The following VEGFD variants were observed in gnomAD, a reference collection of about 807,000 sequenced individuals.
VEGFD encodes vascular endothelial growth factor D.
VEGFD carries 26 observed loss-of-function variants against 28.0 expected under a neutral mutation model. The ratio of observed to expected loss-of-function variants is 0.93; its 90% confidence interval spans 0.68 to 1.29. The LOEUF (loss-of-function observed/expected upper bound fraction) is 1.29, where lower values mean the gene tolerates loss of function less well. Among genes scored for constraint, VEGFD ranks in the 50% most tolerant of loss-of-function variants. VEGFD has a pLI of 0.00. For missense variants in VEGFD, 294 were observed against 273.4 expected (o/e 1.08, Z -0.53); for synonymous variants, 93 against 95.5 (o/e 0.97, Z 0.15).
At chrX:15,374,811 T>G (rs913832579) in intron 1 of VEGFD, among the ~76,000 whole-genome samples, 1 of 108,790 alleles carries the variant, frequency 9.2e-6, no homozygotes, top group Admixed American at 9.9e-5. Flanking sequence ...GCTATTTGAC[T>G]GAGGATATGG....
intron 2 of VEGFD, among the ~76,000 whole-genome samples, chrX:15,359,782 G>A (rs1040736302): frequency 6.3e-5 from 7 of 111,667 alleles, no homozygotes; most frequent in African/African-American, 2.3e-4. Flanking sequence ...ATTGAGTCCT[G>A]CAAACAACAG....
chrX:15,362,321 C>A (rs1180449564), intron 2 of VEGFD, among the ~76,000 whole-genome samples: 1 of 111,608 alleles, frequency 9.0e-6, no homozygotes, highest in Non-Finnish European at 1.9e-5. Flanking sequence ...CCCAATATTA[C>A]AACTCAGTGT....
chrX:15,356,088 G>A (rs775075633), intron 3 of VEGFD, among the ~76,000 whole-genome samples: 9 of 112,074 alleles, frequency 8.0e-5, no homozygotes, highest in Admixed American at 2.8e-4. Context: ...TACGCTTTCC[G>A]TAGGCCAGGC....
chrX:15,359,649 G>A (rs1359156219), intron 2 of VEGFD, among the ~76,000 whole-genome samples: 2 of 110,661 alleles, frequency 1.8e-5, no homozygotes, highest in Admixed American at 9.7e-5. Context: ...GCGGTGTTTG[G>A]TTTTCAGTTC....
intron 5 of VEGFD, 28 bp from the exon 6 acceptor site, chrX:15,347,387 A>G: frequency 8.9e-7 from 1 of 1,121,326 alleles, no homozygotes; most frequent in African/African-American, 1.8e-5. Flanking sequence ...CGTGTTGGTC[A>G]GATAGTTGTA....
intron 1 of VEGFD, among the ~76,000 whole-genome samples, chrX:15,375,241 G>A (rs891572373): frequency 5.3e-5 from 6 of 112,210 alleles, no homozygotes; most frequent in Non-Finnish European, 7.5e-5. Flanking sequence ...ATGGTTCTAG[G>A]AGGTATTTTC....
intron 1 of VEGFD, among the ~76,000 whole-genome samples, chrX:15,368,091 G>C (rs1250093836): frequency 1.0e-5 from 1 of 96,950 alleles, no homozygotes; most frequent in Admixed American, 1.1e-4. Context: ...AGAAAAGAAA[G>C]AAAGAAAGAA....
Position 15,377,486 on chromosome X carries a change from A to C in VEGFD, c.90+6371T>G, listed in dbSNP as rs190724661. ...CTTCTACTCCTCCCAAGTTGTCTCA[A>C]TACAATTCATTTTCCAGCACTGCTG... On this transcript the variant is annotated intron_variant, in intron 1 of 6. Coordinates refer to ENST00000297904, the MANE Select transcript of VEGFD (RefSeq NM_004469.5). Among the ~76,000 whole-genome samples the C allele has an allele frequency of 2.5e-4, 28 of 112,292 alleles. No homozygotes were observed. The Admixed American group carries it at 2.5e-3, about 10-fold the overall frequency.
intron 3 of VEGFD, among the ~76,000 whole-genome samples, 200 bp downstream of exon 3, chrX:15,357,803 G>A (rs778008433): frequency 8.9e-6 from 1 of 111,913 alleles, no homozygotes; most frequent in South Asian, 3.7e-4. Flanking sequence ...GTGTAAACTT[G>A]GATAAGTAAG....
chrX:15,370,909 T>A lies in VEGFD; in HGVS notation c.91-7590A>T, dbSNP rs947831235. ...GCATGGAAATTGTGAGGAGAGGAGA[T>A]CCTCAGTGTGGTGGGGACTGAGCGT... On this transcript the variant is annotated intron_variant, in intron 1 of 6. Transcript: ENST00000297904. 6.4e-5 allele frequency among the ~76,000 whole-genome samples: 7 copies of A among 109,988 alleles called. No homozygotes were observed. The Admixed American group carries it at 6.8e-4, about 11-fold the overall frequency.
At chrX:15,380,685 T>TG (rs1472012984) in intron 1 of VEGFD, among the ~76,000 whole-genome samples, 1 of 112,963 alleles carries the variant, frequency 8.9e-6, no homozygotes, top group East Asian at 2.8e-4. Flanking sequence ...ACAGAATTTC[T>TG]GGGGGACAAG....
rs187614729 is a variant in VEGFD, at chrX:15,371,791, G to A, written c.91-8472C>T. On this transcript the variant is annotated intron_variant, in intron 1 of 6. Transcript: ENST00000297904. ...ATTCAGCAGCAGTTCTATCAGTAGC[G>A]CCATTGAACCTGGGTATATTTATGA... is the stretch of plus-strand genomic sequence containing the variant. 7.4e-3 allele frequency among the ~76,000 whole-genome samples: 833 copies of A among 112,216 alleles called. 26 individuals are homozygous for A. Among genetic ancestry groups the A allele is most frequent in the Admixed American group, 0.058 (607 of 10,503 alleles).
At chrX:15,364,012 T>C (rs1319877172) in intron 1 of VEGFD, among the ~76,000 whole-genome samples, 1 of 111,914 alleles carries the variant, frequency 8.9e-6, no homozygotes, top group African/African-American at 3.3e-5. Context: ...ATGGCAGCCA[T>C]AGGAAACGAA....
At chrX:15,362,268 T>A (rs1471096123) in intron 2 of VEGFD, among the ~76,000 whole-genome samples, 1 of 112,105 alleles carries the variant, frequency 8.9e-6, no homozygotes, top group African/African-American at 3.2e-5. Flanking sequence ...TCATTTTGTC[T>A]TGAGAATTTT....
intron 1 of VEGFD, among the ~76,000 whole-genome samples, chrX:15,381,570 A>G (rs1187923824): frequency 9.0e-6 from 1 of 111,197 alleles, no homozygotes; most frequent in Non-Finnish European, 1.9e-5. Context: ...ACCACCCTAA[A>G]CCATTACCAC....
Position 15,363,187 on chromosome X carries a change from T to C in VEGFD, c.223A>G (p.Thr75Ala). The C allele has an allele frequency of 8.3e-7, 1 of 1,211,533 alleles. No homozygotes were observed. The highest frequency in any genetic ancestry group is 3.0e-5 in the East Asian group (1 of 33,835). Residue 75 changes from threonine (T) to alanine (A), a missense_variant, in exon 2 of 7, where the codon ACC becomes GCC. Physicochemically the swap from Thr to Ala is moderately conservative, Grantham distance 58 (BLOSUM62 0). Coordinates refer to ENST00000297904, the MANE Select transcript of VEGFD (RefSeq NM_004469.5). ...WRCRLRLKSF[T>A]SMDSRSASHR... ...GATGCTGAGCGAGAGTCCATACTGGTAAAACTTTTGAGCCTCAGCCTGCAT... is the reference window on the plus strand; with the variant it reads ...GATGCTGAGCGAGAGTCCATACTGGCAAAACTTTTGAGCCTCAGCCTGCAT...
At position 15,356,643 on chromosome X, in the gene VEGFD, A is replaced by G. The variant is rs745804111; in HGVS notation, c.493-1345T>C. 4.5e-5 allele frequency among the ~76,000 whole-genome samples: 5 copies of G among 111,915 alleles called. No homozygotes were observed. The East Asian group carries it at 1.1e-3, about 25-fold the overall frequency. ...CTTTGCATAAACTTCATCTTCTTGC[A>G]CAATTTTTTGGCTATGCTCTAGGGA... On this transcript the variant is annotated intron_variant, in intron 3 of 6. Coordinates refer to ENST00000297904, the MANE Select transcript of VEGFD (RefSeq NM_004469.5).
At chrX:15,360,565 T>G in intron 2 of VEGFD, among the ~76,000 whole-genome samples, 1 of 110,801 alleles carries the variant, frequency 9.0e-6, no homozygotes. Flanking sequence ...TCTTGATCTC[T>G]TAACCTTGTG....
At chrX:15,371,449 C>A (rs1168174932) in intron 1 of VEGFD, among the ~76,000 whole-genome samples, 2 of 111,752 alleles carry the variant, frequency 1.8e-5, no homozygotes, top group African/African-American at 6.5e-5. Flanking sequence ...TTCTTTCTAG[C>A]ATTTGATGTC....
Sources: allele counts gnomAD v4.1 joint callset (sites outside exome capture counted in the v4.1 genomes callset), GRCh38; gene constraint gnomAD v4.1.1; transcripts MANE v1.5; gene names NCBI Gene and HGNC (gene_info 2026-07-23, HGNC 2026-07-21).